Variants in PARVB observed in about 807,000 individuals in gnomAD.
The protein encoded by PARVB is beta-parvin.
PARVB carries 46 observed loss-of-function variants against 47.0 expected under a neutral mutation model. The observed-to-expected ratio is 0.98, with a 90% CI of 0.77 to 1.25. PARVB has a LOEUF of 1.25. PARVB is among the 50% of genes most tolerant of loss of function. The probability of loss-of-function intolerance (pLI) is 0.00; values close to 1 mark genes in which losing one functional copy is unlikely to be tolerated. For missense variants in PARVB, 473 were observed against 471.6 expected (o/e 1.00, Z -0.03); for synonymous variants, 196 against 196.3 (o/e 1.00, Z 0.01).
intron 1 of PARVB, among the ~76,000 whole-genome samples, chr22:44,060,041 G>T (rs573095340): frequency 1.9e-4 from 29 of 152,170 alleles, no homozygotes; most frequent in Middle Eastern, 3.4e-3. Flanking sequence ...GAGACCAGGC[G>T]TGGGGGCTCA....
At chr22:44,119,710 G>A in intron 4 of PARVB, 1 of 493,314 alleles carries the variant, frequency 2.0e-6, no homozygotes, top group Non-Finnish European at 4.2e-6. Flanking sequence ...GGGATACGGT[G>A]ATCTTTGAAA....
At chr22:44,135,729 G>A (rs1601660941) in intron 6 of PARVB, among the ~76,000 whole-genome samples, 1 of 152,298 alleles carries the variant, frequency 6.6e-6, no homozygotes, top group East Asian at 1.9e-4. Context: ...TGTCAGGGTA[G>A]GATGTCCTCC....
chr22:44,042,181 G>A (rs2051031051), intron 1 of PARVB, among the ~76,000 whole-genome samples: 1 of 152,198 alleles, frequency 6.6e-6, no homozygotes, highest in Non-Finnish European at 1.5e-5. Context: ...CAGCACTTTT[G>A]GAGGCCGAGG....
intron 1 of PARVB, among the ~76,000 whole-genome samples, chr22:44,081,182 C>T (rs1252843091): frequency 6.6e-6 from 1 of 152,186 alleles, no homozygotes. Flanking sequence ...GGGCCCAAGG[C>T]AGTGCCATGG....
At chr22:44,048,391 A>T (rs1249082619) in intron 1 of PARVB, among the ~76,000 whole-genome samples, 1 of 151,608 alleles carries the variant, frequency 6.6e-6, no homozygotes, top group East Asian at 1.9e-4. Context: ...TTTTTTTTTG[A>T]GATGGAGTCC....
intron 3 of PARVB, chr22:44,107,232 A>G (rs1388751094): frequency 6.6e-6 from 1 of 152,240 alleles, no homozygotes; most frequent in Non-Finnish European, 1.5e-5. Context: ...TATTTTCTCT[A>G]ACCTTCTCCA....
chr22:44,148,567 A>G (rs1303112344), intron 9 of PARVB: 1 of 159,144 alleles, frequency 6.3e-6, no homozygotes, highest in Admixed American at 5.8e-5. Flanking sequence ...TTCCCATAAC[A>G]TCGGAGGAGC....
intron 12 of PARVB, chr22:44,168,388 G>C (rs2054217488): frequency 3.7e-6 from 2 of 534,242 alleles, no homozygotes; most frequent in Non-Finnish European, 6.8e-6. Flanking sequence ...GTCCCCGCAG[G>C]GTGTCAGCCC....
chr22:44,097,095 G>A (rs979128717), intron 2 of PARVB, among the ~76,000 whole-genome samples: 6 of 151,530 alleles, frequency 4.0e-5, no homozygotes, highest in African/African-American at 9.7e-5. Flanking sequence ...ACAGTTTAGC[G>A]ACCACTAAAG....
At chr22:44,004,754 T>A (rs969631609) in intron 2 of PARVB, among the ~76,000 whole-genome samples, 18 of 152,166 alleles carry the variant, frequency 1.2e-4, no homozygotes, top group African/African-American at 4.1e-4. Flanking sequence ...TCACCTTAAT[T>A]TAATAAACTC....
At chr22:44,026,249 C>A in intron 1 of PARVB, 1 of 922,086 alleles carries the variant, frequency 1.1e-6, no homozygotes, top group Non-Finnish European at 1.3e-6. Context: ...AAATTCAGGC[C>A]CAGCCTGGTT....
rs901267237 is a variant in PARVB at position 44,091,767 on chromosome 22, G to A, written c.113-2161G>A. 3.3e-5 allele frequency among the ~76,000 whole-genome samples: 5 copies of A among 152,210 alleles called. No homozygotes were observed. The East Asian group carries it at 9.6e-4, about 29-fold the overall frequency. On this transcript the variant is annotated intron_variant, in intron 1 of 12. Transcript: ENST00000338758. ...CTCAGTGACTGCAGCAGTGCCCGAA[G>A]GTTCCCTCGAATCAAAGAACTTCCT...
At chr22:44,124,024 T>C (rs1035731029) in intron 4 of PARVB, among the ~76,000 whole-genome samples, 1 of 152,246 alleles carries the variant, frequency 6.6e-6, no homozygotes, top group Non-Finnish European at 1.5e-5. Context: ...CGCTGCTGGG[T>C]ACCCCATCCA....
intron 4 of PARVB, among the ~76,000 whole-genome samples, chr22:44,122,390 G>A (rs1477961222): frequency 7.2e-5 from 11 of 152,022 alleles, no homozygotes; most frequent in Non-Finnish European, 1.6e-4. Flanking sequence ...GGAGGCTGAG[G>A]CAGGAGGATC....
intron 1 of PARVB, among the ~76,000 whole-genome samples, chr22:44,057,348 G>C (rs1342026794): frequency 5.3e-5 from 8 of 152,124 alleles, no homozygotes; most frequent in African/African-American, 1.9e-4. Flanking sequence ...TTTGGTTCTA[G>C]AACTAATGAA....
intron 4 of PARVB, among the ~76,000 whole-genome samples, chr22:44,124,961 A>G (rs539520765): frequency 1.4e-4 from 22 of 152,128 alleles, no homozygotes; most frequent in African/African-American, 5.3e-4. Context: ...GGGGTGCAGC[A>G]TCTGTAGCTG....
intron 2 of PARVB, among the ~76,000 whole-genome samples, chr22:44,001,431 C>T (rs1352351660): frequency 6.6e-6 from 1 of 152,132 alleles, no homozygotes; most frequent in Non-Finnish European, 1.5e-5. Flanking sequence ...GTGGCTTAGC[C>T]CAGCCTCCCT....
chr22:44,035,937 C>A (rs908914383), intron 1 of PARVB, among the ~76,000 whole-genome samples: 49 of 152,054 alleles, frequency 3.2e-4, no homozygotes, highest in Admixed American at 6.6e-4. Context: ...GTATGGACTG[C>A]AGTTAATTTT....
Position 44,131,645 on chromosome 22 carries a change from G to A in PARVB, c.517+18G>A, listed in dbSNP as rs373834149. On this transcript the variant is annotated intron_variant, in intron 5 of 12. Coordinates refer to ENST00000338758, the MANE Select transcript of PARVB (RefSeq NM_013327.5). Reference sequence around the variant, plus strand: ...CGTGGACTGTGAGTTCCACGCCACAGGGGGAGGGACTGTCTGGAGGGAGCC... The same window carrying A: ...CGTGGACTGTGAGTTCCACGCCACAAGGGGAGGGACTGTCTGGAGGGAGCC... 30 of 1,601,518 alleles carry A rather than the reference G, an allele frequency of 1.9e-5. No homozygotes were observed. Among genetic ancestry groups the A allele is most frequent in the Non-Finnish European group, 2.3e-5 (27 of 1,174,254 alleles).
Sources: allele counts gnomAD v4.1 joint callset (sites outside exome capture counted in the v4.1 genomes callset), GRCh38; gene constraint gnomAD v4.1.1; transcripts MANE v1.5; gene names NCBI Gene and HGNC (gene_info 2026-07-23, HGNC 2026-07-21).